Variants in CA13 observed in about 807,000 individuals in gnomAD.
The protein encoded by CA13 is CA-XIII.
Under a neutral mutation model 31.5 loss-of-function variants are expected in CA13, and 21 were observed. That is an observed-to-expected ratio of 0.67 (90% CI 0.47 to 0.96). CA13 has a LOEUF of 0.96. Ranked by LOEUF, CA13 falls within the 40% of genes least tolerant of loss-of-function variation. CA13 has a pLI of 0.00. For missense variants in CA13, 315 were observed against 318.9 expected (o/e 0.99, Z 0.09); for synonymous variants, 117 against 111.4 (o/e 1.05, Z -0.32).
chr8:85,248,238 A>G (rs1306716842), intron 1 of CA13, among the ~76,000 whole-genome samples: 2 of 152,110 alleles, frequency 1.3e-5, no homozygotes, highest in Admixed American at 6.5e-5. Context: ...TGGGTGGATC[A>G]CCTGAGATCG....
chr8:85,259,501 T>C lies in CA13; in HGVS notation c.316T>C (p.Ser106Pro). ...LHWGSADDHGSEHIVDGVSYA... is the reference protein window; with the variant it reads ...LHWGSADDHGPEHIVDGVSYA... ...CTGGGGGTCCGCTGATGACCACGGC[T>C]CCGAGCACATAGTAGATGGAGTGAG... The change falls in exon 3 of 7, where the codon TCC (serine) becomes CCC (proline). Residue 106 changes from serine (S) to proline (P), a missense_variant. By Grantham distance (74) the Ser-to-Pro change is moderately conservative. Coordinates refer to ENST00000321764, the MANE Select transcript of CA13 (RefSeq NM_198584.3). 3 of 1,614,064 alleles carry C rather than the reference T, an allele frequency of 1.9e-6. No individual in the cohort carries two copies. The highest frequency in any genetic ancestry group is 2.5e-6 in the Non-Finnish European group (3 of 1,179,986).
intron 2 of CA13, among the ~76,000 whole-genome samples, chr8:85,255,125 A>T (rs1406398428): frequency 6.7e-6 from 1 of 149,288 alleles, no homozygotes; most frequent in African/African-American, 2.5e-5. Context: ...TCTCTCTCTC[A>T]TTCTTTCTTT....
Position 85,283,692 on chromosome 8 carries a change from T to A in CA13, c.*2343T>A, listed in dbSNP as rs1325651718. ...GGAAAGAACCTGTTTTCTGGAAGAA[T>A]GTAAGTTGCTATATGTGGAGGGGCA... On this transcript the variant is annotated 3_prime_UTR_variant, in exon 7 of 7. Coordinates refer to ENST00000321764, the MANE Select transcript of CA13 (RefSeq NM_198584.3). 3.3e-5 allele frequency: 5 copies of A among 152,646 alleles called. No homozygotes were observed. The highest frequency in any genetic ancestry group is 6.5e-5 in the Admixed American group (1 of 15,288). The allele number at this position is 152,646 out of a possible 1,614,324, so 9.5% of individuals were successfully genotyped here.
chr8:85,278,053 G>A (rs1353027277), intron 6 of CA13, among the ~76,000 whole-genome samples: 1 of 151,720 alleles, frequency 6.6e-6, no homozygotes, highest in Non-Finnish European at 1.5e-5. Context: ...TTGAGGCCAG[G>A]AGTTCAAGAC....
At chr8:85,253,516 C>T (rs775528621) in intron 2 of CA13, among the ~76,000 whole-genome samples, 7 of 152,172 alleles carry the variant, frequency 4.6e-5, no homozygotes, top group Admixed American at 6.5e-5. Flanking sequence ...CTGCCCGCCT[C>T]GGTCTCCCAA....
At chr8:85,271,586 A>T (rs540665420) in intron 6 of CA13, among the ~76,000 whole-genome samples, 1 of 152,306 alleles carries the variant, frequency 6.6e-6, no homozygotes, top group East Asian at 1.9e-4. Flanking sequence ...GGTTATCCTA[A>T]ATCATCAAAA....
chr8:85,276,096 G>GGTGCTTGCGGGCC (rs1383725797), intron 6 of CA13, among the ~76,000 whole-genome samples: 1 of 152,154 alleles, frequency 6.6e-6, no homozygotes, highest in African/African-American at 2.4e-5. Flanking sequence ...GGCTGCGGGC[G>GGTGCTTGCGGGCC]GTGCTTGCGG....
chr8:85,257,447 G>A (rs1286633390), intron 2 of CA13, among the ~76,000 whole-genome samples: 1 of 152,028 alleles, frequency 6.6e-6, no homozygotes, highest in Admixed American at 6.6e-5. Context: ...TAAGGCTGGT[G>A]TGGTGGCTCA....
chr8:85,278,170 G>A (rs947431153), intron 6 of CA13, among the ~76,000 whole-genome samples: 2 of 149,680 alleles, frequency 1.3e-5, no homozygotes, highest in Admixed American at 1.4e-4. Context: ...GGAGGCTGAG[G>A]CATGAGAATT....
chr8:85,265,944 A>T (rs147605485), intron 3 of CA13, among the ~76,000 whole-genome samples: 1 of 152,332 alleles, frequency 6.6e-6, no homozygotes, highest in East Asian at 1.9e-4. Context: ...ACAGTTTTAG[A>T]AACAGCCTCA....
At chr8:85,267,547 A>G (rs922767049) in intron 4 of CA13, among the ~76,000 whole-genome samples, 1 of 152,154 alleles carries the variant, frequency 6.6e-6, no homozygotes, top group Non-Finnish European at 1.5e-5. Context: ...GCTGACTGTC[A>G]CATCTAGCTT....
chr8:85,246,682 T>A (rs566373934), intron 1 of CA13: 6 of 336,892 alleles, frequency 1.8e-5, no homozygotes, highest in Non-Finnish European at 3.4e-5. Flanking sequence ...TAAACTGAAC[T>A]GATTGTTTAA....
intron 2 of CA13, 100 bp downstream of exon 2, chr8:85,251,037 C>G (rs1313232282): frequency 4.9e-6 from 5 of 1,018,550 alleles, no homozygotes; most frequent in African/African-American, 1.7e-5. Flanking sequence ...GAGTCTCGCT[C>G]TGTCGCCAGG....
At chr8:85,267,751 TAA>T in intron 4 of CA13, 149 bp from the exon 5 acceptor site, 2 of 505,770 alleles carry the variant, frequency 4.0e-6, no homozygotes, top group Non-Finnish European at 7.0e-6. Flanking sequence ...GGCTGGCAGG[TAA>T]AAGAGAAGCT....
At chr8:85,273,923 C>T (rs888732130) in intron 6 of CA13, among the ~76,000 whole-genome samples, 3 of 152,024 alleles carry the variant, frequency 2.0e-5, no homozygotes, top group East Asian at 4.0e-4. Flanking sequence ...GGCAGGCAGG[C>T]GTTTTATAGT....
chr8:85,278,942 A>T (rs953695987), intron 6 of CA13, among the ~76,000 whole-genome samples: 2 of 152,162 alleles, frequency 1.3e-5, no homozygotes, highest in Non-Finnish European at 2.9e-5. Flanking sequence ...ATTTTGACTG[A>T]GGTAATGGAG....
Position 85,261,132 on chromosome 8 carries a change from T to C in CA13, c.354+1593T>C, listed in dbSNP as rs572973190. On this transcript the variant is annotated intron_variant, in intron 3 of 6. Transcript: ENST00000321764. Reference sequence around the variant, plus strand: ...TTATCTTTTATTTATTTATTTATTTTAAAGCAAACCAGTGAAGGAAAGGAC... The same window carrying C: ...TTATCTTTTATTTATTTATTTATTTCAAAGCAAACCAGTGAAGGAAAGGAC... Among the ~76,000 whole-genome samples, 4 of 152,312 alleles carry C rather than the reference T, an allele frequency of 2.6e-5. No individual in the cohort carries two copies. In the South Asian group the frequency reaches 8.3e-4, roughly 32 times the overall value.
chr8:85,252,369 G>A (rs1343250226), intron 2 of CA13, among the ~76,000 whole-genome samples: 4 of 152,148 alleles, frequency 2.6e-5, no homozygotes, highest in Non-Finnish European at 5.9e-5. Flanking sequence ...AGGGAAAGTA[G>A]AAGTTTAATT....
rs575401598 is a variant in CA13, at chr8:85,245,694, G to T, written c.-135G>T. On this transcript the variant is annotated 5_prime_UTR_variant, in exon 1 of 7. Coordinates refer to ENST00000321764, the MANE Select transcript of CA13 (RefSeq NM_198584.3). The stretch of plus-strand genomic sequence containing the variant: ...ACGCAGGCGGGAGCGCCCCGGACCG[G>T]GTTCACGGTCTCGCACTCCTGCCGC... 2 of 998,526 alleles carry T rather than the reference G, an allele frequency of 2.0e-6. No individual in the cohort carries two copies. Among genetic ancestry groups the T allele is most frequent in the East Asian group, 4.8e-5 (2 of 41,332 alleles). 61.9% of individuals were successfully genotyped at this position (998,526 alleles called of 1,614,324 possible).
Sources: gnomAD v4.1 joint callset for allele counts (sites outside exome capture counted in the v4.1 genomes callset) on GRCh38, gnomAD v4.1.1 for gene constraint, MANE v1.5 for transcripts, NCBI Gene and HGNC (gene_info 2026-07-23, HGNC 2026-07-21) for gene names.